The following PCDHB1 variants were observed in gnomAD, a reference collection of about 807,000 sequenced individuals.
The protein encoded by PCDHB1 is protocadherin beta-1.
In PCDHB1, 44 loss-of-function variants were observed where a neutral mutation model predicts 43.5. That is an observed-to-expected ratio of 1.01 (90% confidence interval 0.79 to 1.30). PCDHB1 has a LOEUF of 1.30. PCDHB1 is among the 50% of genes most tolerant of loss of function. The probability of loss-of-function intolerance (pLI) is 0.00; values close to 1 mark genes in which losing one functional copy is unlikely to be tolerated. For synonymous variants in PCDHB1, 392 were observed against 400.8 expected (o/e 0.98, Z 0.26); for missense variants, 919 against 1,008.9 (o/e 0.91, Z 1.21).
chr5:141,053,883 C>G lies in PCDHB1; in HGVS notation c.2413C>G (p.Gln805Glu). The change falls in exon 1 of 1, where the codon CAG becomes GAG. Residue 805 changes from glutamine (Q) to glutamate (E), a missense_variant. Coordinates refer to ENST00000306549, the MANE Select transcript of PCDHB1 (RefSeq NM_013340.4). ...CCCAAATTCTGATAGGAATAAGTCT[C>G]AGAGATTAGAGGGCCATGACCAGGT... Reference protein sequence around the residue: ...LPPNSDRNKSQRLEGHDQVSD... With the variant: ...LPPNSDRNKSERLEGHDQVSD... 1 of 1,614,130 alleles carries G rather than the reference C, an allele frequency of 6.2e-7. No homozygotes were observed. Among genetic ancestry groups the G allele is most frequent in the African/African-American group, 1.3e-5 (1 of 75,028 alleles).
Position 141,055,676 on chromosome 5 carries a change from T to C in PCDHB1, c.*1749T>C, listed in dbSNP as rs1202072335. Reference sequence around the variant, plus strand: ...TAGATTTGATTGTAAGCCATTTTCCTCTCTGAGTATTCTGAAGTTAACACA... The same window carrying C: ...TAGATTTGATTGTAAGCCATTTTCCCCTCTGAGTATTCTGAAGTTAACACA... On this transcript the variant is annotated 3_prime_UTR_variant, in exon 1 of 1. Coordinates refer to ENST00000306549, the MANE Select transcript of PCDHB1 (RefSeq NM_013340.4). The C allele has an allele frequency of 1.3e-5, 2 of 152,222 alleles. No homozygotes were observed. Among genetic ancestry groups the C allele is most frequent in the Non-Finnish European group, 2.9e-5 (2 of 68,038 alleles). The allele number at this position is 152,222 out of a possible 1,614,324, so 9.4% of individuals were successfully genotyped here.
Position 141,051,403 on chromosome 5 carries a change from T to A in PCDHB1, c.-68T>A. ...GGAGAGCAGCTGTTGCAGTAACCTG[T>A]TGCAGAAAAGTGAAAGTATATCCGC... On this transcript the variant is annotated 5_prime_UTR_variant, in exon 1 of 1. In the 5' UTR this introduces an upstream ATG that the reference lacks. Coordinates refer to ENST00000306549, the MANE Select transcript of PCDHB1 (RefSeq NM_013340.4). 1 of 1,544,398 alleles carries A rather than the reference T, an allele frequency of 6.5e-7. No homozygotes were observed. The highest frequency in any genetic ancestry group is 8.9e-7 in the Non-Finnish European group (1 of 1,129,178).
In PCDHB1 at chr5:141,057,191, A is replaced by G. The variant is rs1751150578; in HGVS notation, c.*3264A>G. On this transcript the variant is annotated 3_prime_UTR_variant, in exon 1 of 1. Coordinates refer to ENST00000306549, the MANE Select transcript of PCDHB1 (RefSeq NM_013340.4). ...TTTATTTTTTCACATTAAATGAGAT[A>G]AAATCTACCACTTCACGCCACCATT... 1 of 152,204 alleles carries G rather than the reference A, an allele frequency of 6.6e-6. No homozygotes were observed. The highest frequency in any genetic ancestry group is 2.4e-5 in the African/African-American group (1 of 41,450). The allele number at this position is 152,204 out of a possible 1,614,324, so 9.4% of individuals were successfully genotyped here. A position where few individuals can be genotyped will look rare whatever the true frequency, so the allele number is the denominator to read the frequency against.
Position 141,051,783 on chromosome 5 carries a change from C to T in PCDHB1, c.313C>T (p.His105Tyr), listed in dbSNP as rs782290189. The change falls in exon 1 of 1, where the codon CAC becomes TAC. Residue 105 changes from histidine to tyrosine, a missense_variant. Transcript: ENST00000306549. ...TGGCAAAGCCGACCCTTGTGTTCTG[C>T]ACTTTGAAGTAGTCCTGGTGGAGCC... ...LCGKADPCVL[H>Y]FEVVLVEPLQ... 3 of 1,614,090 alleles carry T rather than the reference C, an allele frequency of 1.9e-6. No homozygotes were observed. In the African/African-American group the frequency reaches 4.0e-5, roughly 22 times the overall value.
chr5:141,059,075 AC>A lies in PCDHB1; in HGVS notation c.*5152del, dbSNP rs1332206334. On this transcript the variant is annotated 3_prime_UTR_variant, in exon 1 of 1. Transcript: ENST00000306549. ...GATTATTTTAAACAATCATAAAGTA[AC>A]CCCATTAAGGTTCATGCATAAAGTT... 1 of 152,040 alleles carries A rather than the reference AC, an allele frequency of 6.6e-6. No individual in the cohort carries two copies. Among genetic ancestry groups the A allele is most frequent in the Non-Finnish European group, 1.5e-5 (1 of 67,958 alleles). The allele number at this position is 152,040 out of a possible 1,614,324, so 9.4% of individuals were successfully genotyped here. A position where few individuals can be genotyped will look rare whatever the true frequency, so the allele number is the denominator to read the frequency against.
rs782038099 is a variant in PCDHB1 at position 141,053,028 on chromosome 5, A to G, written c.1558A>G (p.Met520Val). Reference sequence around the variant, plus strand: ...TGGGAAGCTCTACGCGCTGAGAACCATGGATTATGAGGCCATTCAAGATTT... The same window carrying G: ...TGGGAAGCTCTACGCGCTGAGAACCGTGGATTATGAGGCCATTCAAGATTT... ...GNGKLYALRT[M>V]DYEAIQDFQF... is the part of the protein sequence containing the mutation. Residue 520 changes from methionine (M) to valine (V), a missense_variant, in exon 1 of 1, where the codon ATG (methionine) becomes GTG (valine). By Grantham distance (21) the Met-to-Val change is conservative. Coordinates refer to ENST00000306549, the MANE Select transcript of PCDHB1 (RefSeq NM_013340.4). 1.2e-6 allele frequency: 2 copies of G among 1,614,220 alleles called. No individual in the cohort carries two copies. The highest frequency in any genetic ancestry group is 1.7e-6 in the Non-Finnish European group (2 of 1,180,040).
rs782652235 is a variant in PCDHB1 at position 141,052,707 on chromosome 5, G to A, written c.1237G>A (p.Glu413Lys). ...SLVTDRSLDR[E>K]EVSGYNITIV... ...GGTCACTGACAGAAGCTTGGATCGG[G>A]AGGAGGTCTCAGGCTATAATATCAC... Residue 413 changes from glutamate to lysine, a missense_variant, in exon 1 of 1, where the codon GAG becomes AAG. Coordinates refer to ENST00000306549, the MANE Select transcript of PCDHB1 (RefSeq NM_013340.4). 1.9e-5 allele frequency: 31 copies of A among 1,614,220 alleles called. No homozygotes were observed. The highest frequency in any genetic ancestry group is 2.6e-5 in the Non-Finnish European group (31 of 1,180,032).
In PCDHB1 at chr5:141,053,934, T is replaced by A. The variant is rs1001805330; in HGVS notation, c.*7T>A. 2.5e-6 allele frequency: 4 copies of A among 1,598,846 alleles called. No homozygotes were observed. Among genetic ancestry groups the A allele is most frequent in the Non-Finnish European group, 2.6e-6 (3 of 1,171,108 alleles). On this transcript the variant is annotated 3_prime_UTR_variant, in exon 1 of 1. Transcript: ENST00000306549. ...ATCTGATGACTATATGTAGCTCCTA[T>A]TTACAGGCTCAGTGAGAGAAGAGAA...
chr5:141,051,822 C>A lies in PCDHB1; in HGVS notation c.352C>A (p.Arg118=). 1 of 1,614,216 alleles carries A rather than the reference C, an allele frequency of 6.2e-7. No individual in the cohort carries two copies. The highest frequency in any genetic ancestry group is 8.5e-7 in the Non-Finnish European group (1 of 1,180,042). The change falls in exon 1 of 1, where the codon CGG becomes AGG. Residue 118 remains arginine, a synonymous_variant. Transcript: ENST00000306549. The part of the protein sequence containing the change: ...VVLVEPLQSF[R]AEVRVFDIND... The stretch of plus-strand genomic sequence containing the variant: ...CCTGGTGGAGCCGCTGCAGTCCTTC[C>A]GGGCCGAGGTCAGGGTATTTGATAT...
chr5:141,054,109 T>C lies in PCDHB1; in HGVS notation c.*182T>C, dbSNP rs1751071271. 5.3e-6 allele frequency: 3 copies of C among 570,956 alleles called. No homozygotes were observed. Among genetic ancestry groups the C allele is most frequent in the Middle Eastern group, 4.6e-4 (1 of 2,160 alleles). 35.4% of individuals were successfully genotyped at this position (570,956 alleles called of 1,614,324 possible). A position where few individuals can be genotyped will look rare whatever the true frequency, so the allele number is the denominator to read the frequency against. On this transcript the variant is annotated 3_prime_UTR_variant, in exon 1 of 1. Transcript: ENST00000306549. ...GCTAGGCTTACTCAATACAAAGCAG[T>C]TATCCTGATCCCCAGATCATATATC...
At position 141,051,764 on chromosome 5, in the gene PCDHB1, A is replaced by T. The variant is rs1554267090; in HGVS notation, c.294A>T (p.Lys98Asn). The T allele has an allele frequency of 1.2e-6, 2 of 1,614,254 alleles. No homozygotes were observed. The highest frequency in any genetic ancestry group is 8.5e-7 in the Non-Finnish European group (1 of 1,180,048). The change falls in exon 1 of 1, where the codon AAA becomes AAT. Residue 98 changes from lysine (K) to asparagine (N), a missense_variant. Transcript: ENST00000306549. ...TGGATCGGGAGTCACTTTGTGGCAA[A>T]GCCGACCCTTGTGTTCTGCACTTTG... is the stretch of plus-strand genomic sequence containing the variant. ...EKLDRESLCG[K>N]ADPCVLHFEV...
At position 141,054,795 on chromosome 5, in the gene PCDHB1, G is replaced by A. The variant is rs1554267696; in HGVS notation, c.*868G>A. On this transcript the variant is annotated 3_prime_UTR_variant, in exon 1 of 1. Transcript: ENST00000306549. ...TGCAACCTCTGCCTCCTGGGTTCAA[G>A]CGATTCTCCTGCCTCAGCCTCCTGA... is the stretch of plus-strand genomic sequence containing the variant. The A allele has an allele frequency of 7.6e-5, 11 of 144,384 alleles. No homozygotes were observed. The highest frequency in any genetic ancestry group is 2.2e-4 in the East Asian group (1 of 4,468). The allele number at this position is 144,384 out of a possible 1,614,324, so 8.9% of individuals were successfully genotyped here. A position where few individuals can be genotyped will look rare whatever the true frequency, so the allele number is the denominator to read the frequency against.
At position 141,055,079 on chromosome 5, in the gene PCDHB1, C is replaced by T. The variant is rs1751105048; in HGVS notation, c.*1152C>T. 6.6e-6 allele frequency: 1 copy of T among 151,996 alleles called. No homozygotes were observed. The highest frequency in any genetic ancestry group is 2.4e-5 in the African/African-American group (1 of 41,340). 9.4% of individuals were successfully genotyped at this position (151,996 alleles called of 1,614,324 possible). A position where few individuals can be genotyped will look rare whatever the true frequency, so the allele number is the denominator to read the frequency against. ...ATCCAGATGTCTATCCTTGCAGTCCCAGAGAAAATCTATTTGAAAAAACGG... is the reference window on the plus strand; with the variant it reads ...ATCCAGATGTCTATCCTTGCAGTCCTAGAGAAAATCTATTTGAAAAAACGG... On this transcript the variant is annotated 3_prime_UTR_variant, in exon 1 of 1. Transcript: ENST00000306549.
rs1463282538 is a variant in PCDHB1 at position 141,059,177 on chromosome 5, TTTAAAA to T, written c.*5253_*5258del. On this transcript the variant is annotated 3_prime_UTR_variant, in exon 1 of 1. Coordinates refer to ENST00000306549, the MANE Select transcript of PCDHB1 (RefSeq NM_013340.4). ...TTTAAAATAGATATAAACTGAAAATTTTAAAATTTGTTGTGCAGACATGTTTATATA... is the reference window on the plus strand; with the variant it reads ...TTTAAAATAGATATAAACTGAAAATTTTTGTTGTGCAGACATGTTTATATA... 1.3e-5 allele frequency: 2 copies of T among 152,108 alleles called. No individual in the cohort carries two copies. The highest frequency in any genetic ancestry group is 2.9e-5 in the Non-Finnish European group (2 of 67,986). 9.4% of individuals were successfully genotyped at this position (152,108 alleles called of 1,614,324 possible). A position where few individuals can be genotyped will look rare whatever the true frequency, so the allele number is the denominator to read the frequency against.
chr5:141,056,227 A>T lies in PCDHB1; in HGVS notation c.*2300A>T, dbSNP rs2154005720. 1 of 152,340 alleles carries T rather than the reference A, an allele frequency of 6.6e-6. No homozygotes were observed. Among genetic ancestry groups the T allele is most frequent in the Admixed American group, 6.5e-5 (1 of 15,300 alleles). The allele number at this position is 152,340 out of a possible 1,614,324, so 9.4% of individuals were successfully genotyped here. ...AATATACCAAATCATGTTTATTGAT[A>T]CAAACTTCATTCTTGGACTTAATGA... is the stretch of plus-strand genomic sequence containing the variant. On this transcript the variant is annotated 3_prime_UTR_variant, in exon 1 of 1. Transcript: ENST00000306549.
Position 141,054,703 on chromosome 5 carries a change from T to G in PCDHB1, c.*776T>G, listed in dbSNP as rs1383211457. 4.0e-5 allele frequency: 6 copies of G among 148,828 alleles called. No individual in the cohort carries two copies. The highest frequency in any genetic ancestry group is 1.5e-4 in the African/African-American group (6 of 40,372). The allele number at this position is 148,828 out of a possible 1,614,324, so 9.2% of individuals were successfully genotyped here. A position where few individuals can be genotyped will look rare whatever the true frequency, so the allele number is the denominator to read the frequency against. ...GTAGTTGTTTTTTTTTTTTTTTTTT[T>G]TTTTTTTGAGACGGAGTTTTTCTCT... On this transcript the variant is annotated 3_prime_UTR_variant, in exon 1 of 1. Transcript: ENST00000306549.
In PCDHB1 at chr5:141,055,066, A is replaced by G. The variant is rs1751104804; in HGVS notation, c.*1139A>G. 6.6e-6 allele frequency: 1 copy of G among 152,118 alleles called. No homozygotes were observed. Among genetic ancestry groups the G allele is most frequent in the African/African-American group, 2.4e-5 (1 of 41,422 alleles). 9.4% of individuals were successfully genotyped at this position (152,118 alleles called of 1,614,324 possible). Reference sequence around the variant, plus strand: ...CTCCCTCTTTTATATCCAGATGTCTATCCTTGCAGTCCCAGAGAAAATCTA... The same window carrying G: ...CTCCCTCTTTTATATCCAGATGTCTGTCCTTGCAGTCCCAGAGAAAATCTA... On this transcript the variant is annotated 3_prime_UTR_variant, in exon 1 of 1. Coordinates refer to ENST00000306549, the MANE Select transcript of PCDHB1 (RefSeq NM_013340.4).
In PCDHB1 at chr5:141,052,797, T is replaced by C; in HGVS notation, c.1327T>C (p.Ser443Pro). 1 of 1,614,158 alleles carries C rather than the reference T, an allele frequency of 6.2e-7. No individual in the cohort carries two copies. Among genetic ancestry groups the C allele is most frequent in the Non-Finnish European group, 8.5e-7 (1 of 1,180,040 alleles). Reference sequence around the variant, plus strand: ...CGAGACTATGATAGAGGTGCTAATATCCGACGTTAATGACAATCCTCCAAT... The same window carrying C: ...CGAGACTATGATAGAGGTGCTAATACCCGACGTTAATGACAATCCTCCAAT... The part of the protein sequence containing the change: ...SAETMIEVLI[S>P]DVNDNPPIFR... Residue 443 changes from serine to proline, a missense_variant, in exon 1 of 1, where the codon TCC becomes CCC. By Grantham distance (74) the Ser-to-Pro change is moderately conservative. Transcript: ENST00000306549.
rs782489638 is a variant in PCDHB1, at chr5:141,052,406, T to A, written c.936T>A (p.Ile312=). The A allele has an allele frequency of 6.2e-7, 1 of 1,614,174 alleles. No individual in the cohort carries two copies. Among genetic ancestry groups the A allele is most frequent in the East Asian group, 2.2e-5 (1 of 44,874 alleles). The change falls in exon 1 of 1, where the codon ATT becomes ATA. Residue 312 remains isoleucine (I), a synonymous_variant. Coordinates refer to ENST00000306549, the MANE Select transcript of PCDHB1 (RefSeq NM_013340.4). ...RLRGPLDFEA[I]ETYDIDIQAT... is the part of the protein sequence containing the mutation. ...GAGGACCCCTCGATTTTGAAGCCAT[T>A]GAAACATACGACATTGACATTCAAG...
Sources: allele counts gnomAD v4.1 joint callset, GRCh38; gene constraint gnomAD v4.1.1; transcripts MANE v1.5; gene names NCBI Gene and HGNC (gene_info 2026-07-23, HGNC 2026-07-21).